NMU: variants seen among roughly 807,000 people sequenced by gnomAD.
NMU encodes neuromedin U, also known as neuromedin-U.
NMU carries 29 observed loss-of-function variants against 35.4 expected under a neutral mutation model. The ratio of observed to expected loss-of-function variants is 0.82; its 90% CI spans 0.61 to 1.12. The LOEUF is 1.12. Ranked by LOEUF, NMU falls within the 50% of genes most tolerant of loss-of-function variation. NMU has a pLI of 0.00. For missense variants in NMU, 199 were observed against 206.2 expected (o/e 0.97, Z 0.21); for synonymous variants, 78 against 81.3 (o/e 0.96, Z 0.22).
At chr4:55,632,662 C>A (rs1049253430) in intron 1 of NMU, among the ~76,000 whole-genome samples, 3 of 152,132 alleles carry the variant, frequency 2.0e-5, no homozygotes, top group African/African-American at 7.2e-5. Context: ...ATATAAAACA[C>A]CTGGTGACCT....
chr4:55,628,736 C>T (rs1391976940), intron 2 of NMU, among the ~76,000 whole-genome samples: 1 of 152,140 alleles, frequency 6.6e-6, no homozygotes, highest in African/African-American at 2.4e-5. Context: ...GATCCACCCA[C>T]CTCAGCCTCA....
intron 4 of NMU, among the ~76,000 whole-genome samples, chr4:55,608,653 A>G (rs1733802138): frequency 6.6e-6 from 1 of 152,156 alleles, no homozygotes; most frequent in Non-Finnish European, 1.5e-5. Context: ...AAGTTCTCCC[A>G]GAAGAATCAG....
chr4:55,598,747 G>A (rs111527827), intron 9 of NMU, among the ~76,000 whole-genome samples: 82 of 152,238 alleles, frequency 5.4e-4, no homozygotes, highest in African/African-American at 1.6e-3. Flanking sequence ...CTTTCAGTCC[G>A]TAAATCTTGG....
At chr4:55,629,426 C>CT (rs1172444988) in intron 2 of NMU, among the ~76,000 whole-genome samples, 3 of 151,742 alleles carry the variant, frequency 2.0e-5, no homozygotes, top group Non-Finnish European at 4.4e-5. Flanking sequence ...GGAGACCATC[C>CT]TGGCCAACAT....
At chr4:55,614,585 C>A (rs1734047901) in intron 3 of NMU, among the ~76,000 whole-genome samples, 1 of 152,040 alleles carries the variant, frequency 6.6e-6, no homozygotes, top group Non-Finnish European at 1.5e-5. Context: ...TGTAATAAAA[C>A]AATAATTTTT....
At chr4:55,624,211 T>C (rs1191870491) in intron 2 of NMU, among the ~76,000 whole-genome samples, 1 of 127,736 alleles carries the variant, frequency 7.8e-6, no homozygotes, top group African/African-American at 2.8e-5. Flanking sequence ...CAAAAGAAAC[T>C]ACCATCAGAG....
At chr4:55,595,643 A>ATATTTTTTTT (rs1258986050) in intron 9 of NMU, among the ~76,000 whole-genome samples, 5 of 66,418 alleles carry the variant, frequency 7.5e-5, no homozygotes, top group Non-Finnish European at 1.3e-4. Context: ...ATATATATAT[A>ATATTTTTTTT]TTTTTTTTTT....
chr4:55,610,123 G>C lies in NMU; in HGVS notation c.220-944C>G, dbSNP rs146947071. On this transcript the variant is annotated intron_variant, in intron 3 of 9. Coordinates refer to ENST00000264218, the MANE Select transcript of NMU (RefSeq NM_006681.4). The stretch of plus-strand genomic sequence containing the variant: ...CTTAGAAGAATTAAATGTAGGTAAA[G>C]TTCTCAGGTTGATTTACAGCTGAAG... 1.1e-4 allele frequency among the ~76,000 whole-genome samples: 16 copies of C among 152,286 alleles called. No homozygotes were observed. In the East Asian group the frequency reaches 2.5e-3, roughly 24 times the overall value.
At chr4:55,627,166 G>A (rs761428577) in intron 2 of NMU, among the ~76,000 whole-genome samples, 2 of 152,078 alleles carry the variant, frequency 1.3e-5, no homozygotes, top group Admixed American at 6.5e-5. Context: ...GATATGACAG[G>A]TACTGGTGGT....
chr4:55,636,253 C>T lies in NMU; in HGVS notation c.-61G>A. On this transcript the variant is annotated 5_prime_UTR_variant, in exon 1 of 10. Coordinates refer to ENST00000264218, the MANE Select transcript of NMU (RefSeq NM_006681.4). The surrounding 1 kb of genome is among the most constrained non-coding windows in gnomAD (Gnocchi z 4.0). ...TGCGCTGCGCCACGCGTAGCTGGTG[C>T]TCCACCTGGTGCCCTGGCTGTGCCT... 2 of 1,414,956 alleles carry T rather than the reference C, an allele frequency of 1.4e-6. No individual in the cohort carries two copies. The highest frequency in any genetic ancestry group is 9.1e-7 in the Non-Finnish European group (1 of 1,094,696). The allele number at this position is 1,414,956 out of a possible 1,614,324, so 87.7% of individuals were successfully genotyped here. A position where few individuals can be genotyped will look rare whatever the true frequency, so the allele number is the denominator to read the frequency against.
At chr4:55,629,550 C>T (rs1734674837) in intron 2 of NMU, among the ~76,000 whole-genome samples, 1 of 140,280 alleles carries the variant, frequency 7.1e-6, no homozygotes, top group Non-Finnish European at 1.5e-5. Flanking sequence ...ACCCGGGAGG[C>T]GGAGGTTGCA....
chr4:55,601,161 C>G (rs1238639256), intron 7 of NMU, among the ~76,000 whole-genome samples: 1 of 151,534 alleles, frequency 6.6e-6, no homozygotes, highest in Non-Finnish European at 1.5e-5. Context: ...CAGGAATGAC[C>G]CAATTATTCA....
At chr4:55,603,564 A>G (rs912420418) in intron 7 of NMU, among the ~76,000 whole-genome samples, 6 of 152,092 alleles carry the variant, frequency 3.9e-5, no homozygotes, top group South Asian at 2.1e-4. Context: ...ATAAAATGAG[A>G]TAATATAAGA....
intron 2 of NMU, among the ~76,000 whole-genome samples, chr4:55,619,428 C>A (rs1326046958): frequency 8.4e-6 from 1 of 118,378 alleles, no homozygotes; most frequent in Non-Finnish European, 1.8e-5. Flanking sequence ...AATCGGGTCA[C>A]TCCCACCCGA....
intron 7 of NMU, among the ~76,000 whole-genome samples, chr4:55,603,434 T>C (rs923956665): frequency 5.3e-5 from 8 of 152,130 alleles, no homozygotes; most frequent in African/African-American, 1.5e-4. Context: ...TTCAGAAAAC[T>C]ATTTTGTACT....
intron 9 of NMU, 25 bp downstream of exon 9, chr4:55,599,117 A>T: frequency 6.7e-7 from 1 of 1,493,126 alleles, no homozygotes; most frequent in Non-Finnish European, 9.3e-7. Flanking sequence ...TTATTTATTT[A>T]TTTGTTTATT....
At position 55,630,422 on chromosome 4, in the gene NMU, G is replaced by A. The variant is rs1207407792; in HGVS notation, c.151C>T (p.Gln51Ter). 3 of 1,612,454 alleles carry A rather than the reference G, an allele frequency of 1.9e-6. No homozygotes were observed. Among genetic ancestry groups the A allele is most frequent in the African/African-American group, 2.7e-5 (2 of 74,900 alleles). The change falls in exon 2 of 10, where the codon CAG (glutamine) becomes TAG (stop). Residue 51 changes from glutamine (Q) to a stop codon, truncating the protein, a stop_gained. Coordinates refer to ENST00000264218, the MANE Select transcript of NMU (RefSeq NM_006681.4). LOFTEE classifies it high-confidence loss of function. ...CTTACCTCATTCCACAACTGTAGCT[G>A]TTGTTCAGGCTGTAATCCTTGAGGT... ...ILPQGLQPEQ[Q>*]LQLWNEIDDT...
intron 3 of NMU, among the ~76,000 whole-genome samples, chr4:55,611,072 A>G (rs1230255585): frequency 1.9e-5 from 2 of 103,816 alleles, no homozygotes; most frequent in Admixed American, 9.4e-5. Context: ...CTAAAATATT[A>G]AAAAGTTGGC....
rs1156285458 is a variant in NMU, at chr4:55,636,202, T to C, written c.-10A>G. 1 of 1,480,076 alleles carries C rather than the reference T, an allele frequency of 6.8e-7. No individual in the cohort carries two copies. The highest frequency in any genetic ancestry group is 2.6e-5 in the East Asian group (1 of 39,090). The allele number at this position is 1,480,076 out of a possible 1,614,324, so 91.7% of individuals were successfully genotyped here. On this transcript the variant is annotated 5_prime_UTR_variant, in exon 1 of 10. Coordinates refer to ENST00000264218, the MANE Select transcript of NMU (RefSeq NM_006681.4). The surrounding 1 kb of genome is among the most constrained non-coding windows in gnomAD (Gnocchi z 4.0). ...TCTCTGTTCGCAGCATCTCGGCGGCTGCGGGAGGCTCGGTGCTAGGGACGC... is the reference window on the plus strand; with the variant it reads ...TCTCTGTTCGCAGCATCTCGGCGGCCGCGGGAGGCTCGGTGCTAGGGACGC...
Sources: gnomAD v4.1 joint callset for allele counts (sites outside exome capture counted in the v4.1 genomes callset) on GRCh38, gnomAD v4.1.1 for gene constraint, Gnocchi (gnomAD v3.1) non-coding constraint, MANE v1.5 for transcripts, NCBI Gene and HGNC (gene_info 2026-07-23, HGNC 2026-07-21) for gene names.